The following NRCAM variants were observed in gnomAD, a reference collection of about 807,000 sequenced individuals.
NRCAM encodes the protein neuronal cell adhesion molecule, also known as NgCAM-related cell adhesion molecule.
In NRCAM, 83 loss-of-function variants were observed where a neutral mutation model predicts 156.5. The ratio of observed to expected loss-of-function variants is 0.53; its 90% confidence interval spans 0.44 to 0.64. The LOEUF is 0.64. Ranked by LOEUF, NRCAM falls within the 30% of genes least tolerant of loss-of-function variation. The probability of loss-of-function intolerance (pLI) is 0.00; values close to 1 mark genes in which losing one functional copy is unlikely to be tolerated. For missense variants in NRCAM, 1,417 were observed against 1,597.3 expected, an observed-to-expected ratio of 0.89 and a Z score of 1.92; for synonymous variants, 538 against 563.9, an observed-to-expected ratio of 0.95 and a Z score of 0.65.
At chr7:108,328,912 A>G (rs1221067952) in intron 2 of NRCAM, among the ~76,000 whole-genome samples, 1 of 152,172 alleles carries the variant, frequency 6.6e-6, no homozygotes, top group Non-Finnish European at 1.5e-5. Context: ...AAGACACAAT[A>G]ACTGCTGAGA....
intron 1 of NRCAM, among the ~76,000 whole-genome samples, chr7:108,453,026 G>GGA (rs1554666247): frequency 6.6e-6 from 1 of 151,974 alleles, no homozygotes; most frequent in Non-Finnish European, 1.5e-5. Context: ...TGTGATATGT[G>GGA]AAAAAAACTC....
At chr7:108,172,716 T>G (rs17134756) in intron 28 of NRCAM, among the ~76,000 whole-genome samples, 2,853 of 152,316 alleles carry the variant, frequency 0.019, 103 homozygotes, top group African/African-American at 0.065. Context: ...AGGTCTCGCG[T>G]ATGTAATTAT....
chr7:108,331,934 T>G (rs2099131423), intron 2 of NRCAM, among the ~76,000 whole-genome samples: 2 of 152,242 alleles, frequency 1.3e-5, no homozygotes, highest in Non-Finnish European at 2.9e-5. Flanking sequence ...GAGTGTCAAT[T>G]ACCTGGCTGA....
chr7:108,372,382 C>A (rs575547198), intron 2 of NRCAM, among the ~76,000 whole-genome samples: 5 of 151,602 alleles, frequency 3.3e-5, no homozygotes, highest in African/African-American at 1.2e-4. Flanking sequence ...AACAAAAAAT[C>A]TGTACAGGAA....
intron 1 of NRCAM, among the ~76,000 whole-genome samples, chr7:108,418,597 A>ACACACG (rs1554626861): frequency 6.7e-6 from 1 of 149,114 alleles, no homozygotes; most frequent in East Asian, 2.0e-4. Flanking sequence ...ACACACACAC[A>ACACACG]CACGCACTGA....
chr7:108,318,417 C>T lies in NRCAM; in HGVS notation c.-173-5686G>A, dbSNP rs565777570. 2.0e-5 allele frequency among the ~76,000 whole-genome samples: 3 copies of T among 152,196 alleles called. No homozygotes were observed. In the South Asian group the frequency reaches 6.2e-4, roughly 32 times the overall value. ...TGGTCCCAGGCTACACAATAATCAACATGGTGAAATAATGTCTCTAGGATA... is the reference window on the plus strand; with the variant it reads ...TGGTCCCAGGCTACACAATAATCAATATGGTGAAATAATGTCTCTAGGATA... On this transcript the variant is annotated intron_variant, in intron 2 of 32. Transcript: ENST00000379028.
chr7:108,336,316 GTA>G lies in NRCAM; in HGVS notation c.-173-23587_-173-23586del, dbSNP rs547258476. Among the ~76,000 whole-genome samples the G allele has an allele frequency of 1.8e-4, 28 of 152,226 alleles. No homozygotes were observed. In the South Asian group the frequency reaches 5.2e-3, roughly 28 times the overall value. On this transcript the variant is annotated intron_variant, in intron 2 of 32. Transcript: ENST00000379028. ...TTATTCGGTATGTTTGCATCCATTTGTATGCACCCAGAAGAATGGACGCAGTG... is the reference window on the plus strand; with the variant it reads ...TTATTCGGTATGTTTGCATCCATTTGTGCACCCAGAAGAATGGACGCAGTG...
At chr7:108,178,817 C>T (rs1218212825) in intron 25 of NRCAM, among the ~76,000 whole-genome samples, 1 of 152,206 alleles carries the variant, frequency 6.6e-6, no homozygotes, top group African/African-American at 2.4e-5. Flanking sequence ...ACCTCCCCTA[C>T]CACTGCCCCT....
intron 25 of NRCAM, among the ~76,000 whole-genome samples, chr7:108,178,598 T>C (rs1000678474): frequency 2.6e-5 from 4 of 152,178 alleles, no homozygotes; most frequent in Non-Finnish European, 5.9e-5. Flanking sequence ...AGAAACGTTC[T>C]TATCCTGAGA....
At chr7:108,359,812 A>T (rs2099536377) in intron 2 of NRCAM, among the ~76,000 whole-genome samples, 1 of 152,194 alleles carries the variant, frequency 6.6e-6, no homozygotes, top group Non-Finnish European at 1.5e-5. Flanking sequence ...TCCAATCAAG[A>T]TATAGAACAT....
intron 3 of NRCAM, among the ~76,000 whole-genome samples, chr7:108,278,070 C>T (rs532415550): frequency 1.3e-5 from 2 of 152,340 alleles, no homozygotes; most frequent in African/African-American, 4.8e-5. Flanking sequence ...GCGAAGGCTG[C>T]TGAACAGCAA....
At chr7:108,202,724 T>C (rs1024112917) in intron 13 of NRCAM, among the ~76,000 whole-genome samples, 6 of 152,206 alleles carry the variant, frequency 3.9e-5, no homozygotes, top group African/African-American at 1.2e-4. Flanking sequence ...GGTGCTTATC[T>C]TACATTCCTG....
chr7:108,408,712 G>C (rs947202661), intron 1 of NRCAM, among the ~76,000 whole-genome samples: 5 of 152,182 alleles, frequency 3.3e-5, no homozygotes, highest in Admixed American at 6.5e-5. Context: ...AATTAGTGTT[G>C]GCTTTGAATG....
intron 30 of NRCAM, 37 bp downstream of exon 30, chr7:108,166,884 T>C (rs1333418066): frequency 6.2e-7 from 1 of 1,605,180 alleles, no homozygotes; most frequent in East Asian, 2.2e-5. Context: ...CCTCCACCTC[T>C]GAGCGGGAGC....
Position 108,280,410 on chromosome 7 carries a change from C to T in NRCAM, c.-107+32255G>A, listed in dbSNP as rs1300422212. Among the ~76,000 whole-genome samples the T allele has an allele frequency of 2.0e-5, 3 of 152,334 alleles. No individual in the cohort carries two copies. In the South Asian group the frequency reaches 6.2e-4, roughly 32 times the overall value. ...ATTACTGGATGGCCAAGAACTACCA[C>T]CCTAAGCATATCCAGCAGTCAGCCC... On this transcript the variant is annotated intron_variant, in intron 3 of 32. Transcript: ENST00000379028.
chr7:108,446,106 C>A (rs1843847154), intron 1 of NRCAM, among the ~76,000 whole-genome samples: 1 of 152,088 alleles, frequency 6.6e-6, no homozygotes, highest in Non-Finnish European at 1.5e-5. Context: ...GAAAGGAAAG[C>A]CACGTGCAAA....
chr7:108,253,785 G>A (rs1256918251), intron 3 of NRCAM, among the ~76,000 whole-genome samples: 2 of 152,130 alleles, frequency 1.3e-5, no homozygotes, highest in South Asian at 2.1e-4. Flanking sequence ...CCTGAGACTG[G>A]GAGTGGTCAG....
intron 2 of NRCAM, among the ~76,000 whole-genome samples, chr7:108,323,093 T>C (rs999028815): frequency 1.3e-5 from 2 of 152,186 alleles, no homozygotes; most frequent in African/African-American, 4.8e-5. Context: ...CCTATCATAA[T>C]AAGGAATTCA....
intron 3 of NRCAM, among the ~76,000 whole-genome samples, chr7:108,254,616 C>T (rs1306730759): frequency 6.9e-6 from 1 of 144,088 alleles, no homozygotes. Context: ...AGCGTGATCT[C>T]AGCTAAGGGC....
Sources: gnomAD v4.1 joint callset for allele counts (sites outside exome capture counted in the v4.1 genomes callset) on GRCh38, gnomAD v4.1.1 for gene constraint, MANE v1.5 for transcripts, NCBI Gene and HGNC (gene_info 2026-07-23, HGNC 2026-07-21) for gene names.